The following PHLDB3 variants were observed in gnomAD, a reference collection of about 807,000 sequenced individuals.
PHLDB3 encodes the protein pleckstrin homology like domain family B member 3.
A neutral mutation model predicts 85.7 loss-of-function variants in PHLDB3; 86 were observed. That is an observed-to-expected ratio of 1.00 (90% confidence interval 0.84 to 1.20). The LOEUF is 1.20. PHLDB3 is among the 50% of genes most tolerant of loss of function. The probability of loss-of-function intolerance (pLI) is 0.00; values close to 1 mark genes in which losing one functional copy is unlikely to be tolerated. For synonymous variants in PHLDB3, 376 were observed against 349.8 expected, an observed-to-expected ratio of 1.07 and a Z score of -0.83; for missense variants, 995 against 873.0, an observed-to-expected ratio of 1.14 and a Z score of -1.76.
rs1159330448 is a variant in PHLDB3, at chr19:43,504,024, G to A, written c.95C>T (p.Ser32Phe). The change falls in exon 2 of 16, where the codon TCC becomes TTC. Residue 32 changes from serine to phenylalanine, a missense_variant. Coordinates refer to ENST00000292140, the MANE Select transcript of PHLDB3 (RefSeq NM_198850.4). ...GACTTCGGATGCCTCCTGTTCCCGG[G>A]ACTCCTCGGGATGGCCCTGGGGCTG... ...EVQPQGHPEE[S>F]REQEASEVLA... is the part of the protein sequence containing the mutation. The A allele has an allele frequency of 6.2e-7, 1 of 1,613,900 alleles. No homozygotes were observed. The highest frequency in any genetic ancestry group is 1.7e-5 in the Admixed American group (1 of 60,026).
Position 43,497,182 on chromosome 19 carries a change from C to T in PHLDB3, c.761G>A (p.Ser254Asn). Residue 254 changes from serine to asparagine, a missense_variant, in exon 6 of 16, where the codon AGC becomes AAC. Physicochemically the swap from Ser to Asn is conservative, Grantham distance 46. Transcript: ENST00000292140. ...GGGGTCTGGCACCTGGGGCCCAGGG[C>T]TGTCCCGATCCTCCTCCTCCTGCCG... ...ESRQEEEDRD[S>N]PGPQVPDPKV... 1 of 1,566,532 alleles carries T rather than the reference C, an allele frequency of 6.4e-7. No individual in the cohort carries two copies. Among genetic ancestry groups the T allele is most frequent in the Non-Finnish European group, 8.6e-7 (1 of 1,158,632 alleles).
intron 14 of PHLDB3, among the ~76,000 whole-genome samples, chr19:43,478,503 G>A (rs1396069383): frequency 6.6e-6 from 1 of 152,140 alleles, no homozygotes; most frequent in Non-Finnish European, 1.5e-5. Flanking sequence ...TGGAAACCAA[G>A]ACTCAGAGAA....
chr19:43,479,718 A>G (rs1971004418), intron 13 of PHLDB3, 125 bp from the exon 14 acceptor site: 1 of 660,050 alleles, frequency 1.5e-6, no homozygotes, highest in African/African-American at 1.8e-5. Context: ...AGAGGGTAAT[A>G]TTAACTAGGA....
intron 9 of PHLDB3, among the ~76,000 whole-genome samples, chr19:43,493,271 T>G (rs920096233): frequency 1.6e-5 from 2 of 126,758 alleles, no homozygotes; most frequent in Admixed American, 1.6e-4. Context: ...AGAGTGAAAC[T>G]CTGTCTCAGA....
chr19:43,475,299 T>G lies in PHLDB3; in HGVS notation c.*111A>C. 1 of 1,415,966 alleles carries G rather than the reference T, an allele frequency of 7.1e-7. No homozygotes were observed. Among genetic ancestry groups the G allele is most frequent in the Admixed American group, 2.3e-5 (1 of 43,032 alleles). The allele number at this position is 1,415,966 out of a possible 1,614,324, so 87.7% of individuals were successfully genotyped here. A position where few individuals can be genotyped will look rare whatever the true frequency, so the allele number is the denominator to read the frequency against. On this transcript the variant is annotated 3_prime_UTR_variant, in exon 16 of 16. Transcript: ENST00000292140. ...CGCGCCTGCGGAATTCCCGGGAGAG[T>G]TCCAAAGCGGTGCGTCCAAGTTTTC...
At chr19:43,491,844 A>C (rs1375426701) in intron 9 of PHLDB3, among the ~76,000 whole-genome samples, 1 of 151,116 alleles carries the variant, frequency 6.6e-6, no homozygotes, top group African/African-American at 2.4e-5. Context: ...ACAGGGTTTC[A>C]CCATGTTAGC....
chr19:43,485,737 A>T (rs1225398208), intron 13 of PHLDB3, among the ~76,000 whole-genome samples: 1 of 151,194 alleles, frequency 6.6e-6, no homozygotes, highest in Non-Finnish European at 1.5e-5. Context: ...TTGTATTTTT[A>T]GTAGAGATGG....
At position 43,487,034 on chromosome 19, in the gene PHLDB3, G is replaced by C; in HGVS notation, c.1239C>G (p.Phe413Leu). 7.6e-6 allele frequency: 12 copies of C among 1,568,970 alleles called. No homozygotes were observed. Among genetic ancestry groups the C allele is most frequent in the Non-Finnish European group, 1.0e-5 (12 of 1,159,990 alleles). The change falls in exon 10 of 16, where the codon TTC (phenylalanine) becomes TTG (leucine). Residue 413 changes from phenylalanine to leucine, a missense_variant. By Grantham distance (22) the Phe-to-Leu change is conservative. Coordinates refer to ENST00000292140, the MANE Select transcript of PHLDB3 (RefSeq NM_198850.4). ...CAGGGGGATCCTCACCAGTACAATG[G>C]AAGGACAGAGGTCGGGGGGATCCTC... ...SQRGSPRPLS[F>L]HCTESLEASA...
rs767354545 is a variant in PHLDB3, at chr19:43,495,574, T to C, written c.872A>G (p.Lys291Arg). 19 of 1,610,660 alleles carry C rather than the reference T, an allele frequency of 1.2e-5. No individual in the cohort carries two copies. In the South Asian group the frequency reaches 1.9e-4, roughly 16 times the overall value. ...GGCTGCCATCTGCTCCCCCAGTGAC[T>C]TGAGCTGCTCTTCCAGGACCCGGAT... Reference protein sequence around the residue: ...HRIRVLEEQLKSLGEQMAAES... With the variant: ...HRIRVLEEQLRSLGEQMAAES... The change falls in exon 7 of 16, where the codon AAG (lysine) becomes AGG (arginine). Residue 291 changes from lysine to arginine, a missense_variant. By Grantham distance (26) the Lys-to-Arg change is conservative (BLOSUM62 2). Transcript: ENST00000292140.
Position 43,475,231 on chromosome 19 carries a change from C to T in PHLDB3, c.*179G>A. 2.4e-6 allele frequency: 2 copies of T among 830,896 alleles called. No homozygotes were observed. The highest frequency in any genetic ancestry group is 3.6e-6 in the Non-Finnish European group (2 of 555,204). 51.5% of individuals were successfully genotyped at this position (830,896 alleles called of 1,614,324 possible). On this transcript the variant is annotated 3_prime_UTR_variant, in exon 16 of 16. Coordinates refer to ENST00000292140, the MANE Select transcript of PHLDB3 (RefSeq NM_198850.4). ...GCCGGCGATCCCGTCGGGGGCAAGG[C>T]ACCTGCAACCCAGAACGCAGCAGCT...
intron 4 of PHLDB3, among the ~76,000 whole-genome samples, chr19:43,498,738 G>A (rs1246332210): frequency 6.6e-6 from 1 of 152,194 alleles, no homozygotes; most frequent in Admixed American, 6.6e-5. Context: ...CTGGGCGACA[G>A]TGAGACCCTG....
chr19:43,495,810 T>C (rs1036710722), intron 6 of PHLDB3, 190 bp from the exon 7 acceptor site: 9 of 706,382 alleles, frequency 1.3e-5, no homozygotes, highest in Non-Finnish European at 1.8e-5. Context: ...CCAGAAGAGA[T>C]CTGGGGAAGA....
intron 13 of PHLDB3, among the ~76,000 whole-genome samples, chr19:43,485,455 C>T (rs1286860284): frequency 1.3e-5 from 2 of 151,666 alleles, no homozygotes; most frequent in Non-Finnish European, 2.9e-5. Context: ...TCATGATCCA[C>T]CCACCTCAGC....
chr19:43,480,264 TAAAAAAA>T (rs57417757), intron 13 of PHLDB3, among the ~76,000 whole-genome samples: 2 of 71,608 alleles, frequency 2.8e-5, no homozygotes, highest in Non-Finnish European at 5.0e-5. Flanking sequence ...CTTCTCTATT[TAAAAAAA>T]AAAAAAAAAA....
chr19:43,486,787 C>T lies in PHLDB3; in HGVS notation c.1333G>A (p.Gly445Arg), dbSNP rs1971173310. The change falls in exon 11 of 16, where the codon GGG becomes AGG. Residue 445 changes from glycine to arginine, a missense_variant. Coordinates refer to ENST00000292140, the MANE Select transcript of PHLDB3 (RefSeq NM_198850.4). Reference sequence around the variant, plus strand: ...TTCTCTCTGATGTCTCACCTATTCCCACGGCCACAGTTCAGCAGCTGGTAG... The same window carrying T: ...TTCTCTCTGATGTCTCACCTATTCCTACGGCCACAGTTCAGCAGCTGGTAG... ...PLYQLLNCGRGNSCGAIHPDI... is the reference protein window; with the variant it reads ...PLYQLLNCGRRNSCGAIHPDI... 1.2e-6 allele frequency: 2 copies of T among 1,602,066 alleles called. No individual in the cohort carries two copies. The highest frequency in any genetic ancestry group is 1.7e-5 in the Admixed American group (1 of 59,194).
intron 9 of PHLDB3, among the ~76,000 whole-genome samples, chr19:43,493,279 AGAAT>A (rs1971362328): frequency 1.7e-5 from 1 of 59,330 alleles, no homozygotes; most frequent in East Asian, 6.1e-4. Context: ...ACTCTGTCTC[AGAAT>A]AAATAAATAA....
At chr19:43,498,158 G>C (rs1470441147) in intron 4 of PHLDB3, among the ~76,000 whole-genome samples, 4 of 152,022 alleles carry the variant, frequency 2.6e-5, no homozygotes, top group Admixed American at 6.6e-5. Flanking sequence ...GGCAACATAG[G>C]GGGAGCCCAT....
intron 9 of PHLDB3, among the ~76,000 whole-genome samples, chr19:43,489,338 G>A (rs956764163): frequency 6.6e-6 from 1 of 151,056 alleles, no homozygotes; most frequent in African/African-American, 2.4e-5. Flanking sequence ...CTGCACTCCA[G>A]CCTGGGCGAC....
chr19:43,480,192 TGC>T (rs1971014090), intron 13 of PHLDB3, among the ~76,000 whole-genome samples: 1 of 142,472 alleles, frequency 7.0e-6, no homozygotes, highest in South Asian at 2.2e-4. Context: ...CTCAGGAGGC[TGC>T]GGTGGGAGGA....
Sources: gnomAD v4.1 joint callset for allele counts (sites outside exome capture counted in the v4.1 genomes callset) on GRCh38, gnomAD v4.1.1 for gene constraint, MANE v1.5 for transcripts, NCBI Gene and HGNC (gene_info 2026-07-23, HGNC 2026-07-21) for gene names.